Variants in KCNH1 observed in about 807,000 individuals in gnomAD.
KCNH1 encodes the protein voltage-gated delayed rectifier potassium channel KCNH1.
KCNH1 carries 27 observed loss-of-function variants against 69.2 expected under a neutral mutation model. The ratio of observed to expected loss-of-function variants is 0.39; its 90% CI spans 0.29 to 0.54. The LOEUF is 0.54. KCNH1 is among the 20% of genes least tolerant of loss of function. The pLI is 0.68. For synonymous variants in KCNH1, 456 were observed against 487.7 expected (o/e 0.93, Z 0.86); for missense variants, 798 against 1,261.6 (o/e 0.63, Z 5.57).
intron 6 of KCNH1, among the ~76,000 whole-genome samples, chr1:211,005,835 A>T (rs993778004): frequency 2.6e-5 from 4 of 152,270 alleles, no homozygotes; most frequent in African/African-American, 7.2e-5. Context: ...TTTACAGCAC[A>T]TATAACCCAT....
chr1:210,854,691 G>A (rs976610297), intron 7 of KCNH1, among the ~76,000 whole-genome samples: 3 of 152,198 alleles, frequency 2.0e-5, no homozygotes, highest in African/African-American at 7.2e-5. Context: ...GACCACCTGA[G>A]GAGAAGGGAG....
At chr1:211,126,282 G>A (rs12064954) in intron 1 of KCNH1, among the ~76,000 whole-genome samples, 4,135 of 152,194 alleles carry the variant, frequency 0.027, 162 homozygotes, top group African/African-American at 0.092. Context: ...GGCCTGAGGC[G>A]GGCGGATCAC....
intron 6 of KCNH1, among the ~76,000 whole-genome samples, chr1:210,932,512 A>G (rs544805651): frequency 1.3e-5 from 2 of 149,870 alleles, no homozygotes; most frequent in South Asian, 2.1e-4. Context: ...TGACCTATCA[A>G]TAATAACCTT....
intron 6 of KCNH1, among the ~76,000 whole-genome samples, chr1:210,974,800 G>A (rs1313417767): frequency 6.6e-6 from 1 of 151,896 alleles, no homozygotes; most frequent in African/African-American, 2.4e-5. Flanking sequence ...CTGACCTCGT[G>A]ATCCACCCAC....
In KCNH1 at chr1:211,085,831, A is replaced by G. The variant is rs185286454; in HGVS notation, c.440-2933T>C. Reference sequence around the variant, plus strand: ...CACTTCTGGAGAAAGTGAAACTCCTATTGTCCAAAAGGCCAAATGGGAGCG... The same window carrying G: ...CACTTCTGGAGAAAGTGAAACTCCTGTTGTCCAAAAGGCCAAATGGGAGCG... On this transcript the variant is annotated intron_variant, in intron 4 of 10. Coordinates refer to ENST00000271751, the MANE Select transcript of KCNH1 (RefSeq NM_172362.3). Among the ~76,000 whole-genome samples the G allele has an allele frequency of 2.4e-3, 358 of 152,294 alleles. 3 individuals carry two copies. The highest frequency in any genetic ancestry group is 8.2e-3 in the African/African-American group (341 of 41,576).
At chr1:210,760,650 A>T (rs1683496645) in intron 10 of KCNH1, among the ~76,000 whole-genome samples, 1 of 152,242 alleles carries the variant, frequency 6.6e-6, no homozygotes, top group Admixed American at 6.5e-5. Context: ...ATGGACTTAC[A>T]GTTCCATATG....
Position 211,133,860 on chromosome 1 carries a change from C to T in KCNH1, c.79+7G>A. 6.2e-7 allele frequency: 1 copy of T among 1,607,596 alleles called. No homozygotes were observed. The highest frequency in any genetic ancestry group is 8.5e-7 in the Non-Finnish European group (1 of 1,177,212). ...CCGGGTAATCGAAATCCGAATGCACCTCTTACCATTGGACCGCCGAACAAT... is the reference window on the plus strand; with the variant it reads ...CCGGGTAATCGAAATCCGAATGCACTTCTTACCATTGGACCGCCGAACAAT... On this transcript the variant is annotated splice_region_variant and intron_variant, in intron 1 of 10. Transcript: ENST00000271751. The surrounding 1 kb of genome is among the most constrained non-coding windows in gnomAD (Gnocchi z 5.4).
chr1:210,803,380 G>A (rs546319545), intron 8 of KCNH1, among the ~76,000 whole-genome samples: 13 of 152,126 alleles, frequency 8.5e-5, no homozygotes, highest in Admixed American at 8.5e-4. Context: ...GGGATTACAG[G>A]CATGAGCCGC....
At chr1:210,988,500 C>T (rs1688885148) in intron 6 of KCNH1, among the ~76,000 whole-genome samples, 1 of 152,088 alleles carries the variant, frequency 6.6e-6, no homozygotes, top group South Asian at 2.1e-4. Flanking sequence ...TCAGATAAAC[C>T]TAAAATAAAT....
At chr1:211,037,049 A>G (rs996639802) in intron 5 of KCNH1, among the ~76,000 whole-genome samples, 8 of 152,232 alleles carry the variant, frequency 5.3e-5, no homozygotes, top group Non-Finnish European at 1.2e-4. Flanking sequence ...TTTTCTCTTG[A>G]TGAAAAATAG....
intron 10 of KCNH1, among the ~76,000 whole-genome samples, chr1:210,704,939 G>A (rs758862504): frequency 7.2e-5 from 11 of 152,168 alleles, no homozygotes; most frequent in Non-Finnish European, 1.5e-4. Context: ...GCAAGCCCAA[G>A]CTCTCCTTCC....
intron 5 of KCNH1, among the ~76,000 whole-genome samples, chr1:211,062,097 G>A (rs761421585): frequency 1.2e-4 from 18 of 152,102 alleles, no homozygotes; most frequent in Admixed American, 2.0e-4. Flanking sequence ...AAAATAGCAC[G>A]GTACTCACAT....
At chr1:211,040,447 T>C (rs1359196129) in intron 5 of KCNH1, among the ~76,000 whole-genome samples, 1 of 152,144 alleles carries the variant, frequency 6.6e-6, no homozygotes, top group Admixed American at 6.5e-5. Context: ...ATGGGTTTAT[T>C]AGGGGTTTCC....
chr1:210,739,316 C>T (rs1170926171), intron 10 of KCNH1, among the ~76,000 whole-genome samples: 1 of 152,230 alleles, frequency 6.6e-6, no homozygotes, highest in African/African-American at 2.4e-5. Context: ...ATAGTGCTCA[C>T]TCCCCATCCT....
At chr1:210,800,231 T>C (rs1684402061) in intron 8 of KCNH1, among the ~76,000 whole-genome samples, 1 of 152,222 alleles carries the variant, frequency 6.6e-6, no homozygotes, top group African/African-American at 2.4e-5. Context: ...GGCAGAGTGC[T>C]TGCTAAGGAC....
intron 10 of KCNH1, among the ~76,000 whole-genome samples, chr1:210,718,178 AAT>A (rs1682310327): frequency 1.4e-5 from 2 of 146,854 alleles, no homozygotes; most frequent in African/African-American, 5.0e-5. Flanking sequence ...TATTTAACAT[AAT>A]ATGTCCAAAA....
intron 9 of KCNH1, among the ~76,000 whole-genome samples, chr1:210,777,350 A>C (rs1683881580): frequency 1.3e-5 from 2 of 152,224 alleles, no homozygotes; most frequent in South Asian, 4.1e-4. Context: ...TGTGGTTCTA[A>C]TTTACAAAGA....
chr1:210,972,560 C>T (rs1334456412), intron 6 of KCNH1, among the ~76,000 whole-genome samples: 1 of 152,072 alleles, frequency 6.6e-6, no homozygotes, highest in African/African-American at 2.4e-5. Flanking sequence ...CAAGCCAGTT[C>T]GTTTTCTGAT....
chr1:210,754,895 C>T (rs1203498341), intron 10 of KCNH1, among the ~76,000 whole-genome samples: 1 of 151,956 alleles, frequency 6.6e-6, no homozygotes, highest in Non-Finnish European at 1.5e-5. Context: ...CATACAAAGA[C>T]ACACACACAG....
Sources: allele counts gnomAD v4.1 joint callset (sites outside exome capture counted in the v4.1 genomes callset), GRCh38; gene constraint gnomAD v4.1.1; non-coding constraint Gnocchi (gnomAD v3.1); transcripts MANE v1.5; gene names NCBI Gene and HGNC (gene_info 2026-07-23, HGNC 2026-07-21).